The following TMA7B variants were observed in gnomAD, a reference collection of about 807,000 sequenced individuals.
TMA7B encodes translation machinery-associated protein 7B.
chr22:39,964,180 T>C, the TMA7B span: 1 of 529,352 alleles, frequency 1.9e-6, no homozygotes, highest in Non-Finnish European at 3.3e-6. Flanking sequence ...CAAAAGAGAA[T>C]GACTTGGCAA....
chr22:39,962,473 AAAC>A, the TMA7B span, among the ~76,000 whole-genome samples: 4 of 152,084 alleles, frequency 2.6e-5, no homozygotes, highest in Admixed American at 1.3e-4. Context: ...TTATTAGAAA[AAAC>A]AATTATACAT....
chr22:39,964,290 G>A, the TMA7B span: 2 of 656,908 alleles, frequency 3.0e-6, no homozygotes, highest in South Asian at 1.7e-5. Flanking sequence ...CCCATCACTT[G>A]TGAGTCCAGA....
At chr22:39,964,522 A>T in the TMA7B span, 1 of 919,600 alleles carries the variant, frequency 1.1e-6, no homozygotes, top group Non-Finnish European at 1.8e-6. Flanking sequence ...GGTCGTGGGG[A>T]AGGGGCCTCT....
At chr22:39,960,895 G>A in the TMA7B span, 1 of 151,436 alleles carries the variant, frequency 6.6e-6, no homozygotes, top group African/African-American at 2.4e-5. Flanking sequence ...GACAAAGGGG[G>A]TTTGATCTAA....
chr22:39,964,721 A>C, the TMA7B span: 3 of 489,896 alleles, frequency 6.1e-6, no homozygotes, highest in Non-Finnish European at 1.1e-5. Flanking sequence ...TTTGTAAAAA[A>C]AAAAAAAAAA....
the TMA7B span, chr22:39,964,130 G>T: frequency 4.8e-6 from 2 of 418,588 alleles, no homozygotes; most frequent in Non-Finnish European, 8.5e-6. Context: ...TTTATTTTTA[G>T]ATATAAATGT....
the TMA7B span, chr22:39,964,506 A>G: frequency 1.9e-6 from 2 of 1,026,452 alleles, no homozygotes; most frequent in African/African-American, 3.1e-5. Context: ...AGGTGCTAAA[A>G]GCGAAGGTCG....
the TMA7B span, among the ~76,000 whole-genome samples, chr22:39,962,823 T>C: frequency 1.3e-5 from 2 of 152,016 alleles, no homozygotes; most frequent in Admixed American, 1.3e-4. Flanking sequence ...CACGCCTGGC[T>C]AATTTGTGTG....
At chr22:39,964,122 T>G in the TMA7B span, 1 of 401,712 alleles carries the variant, frequency 2.5e-6, no homozygotes. Context: ...AGTGCCAGTT[T>G]ATTTTTAGAT....
At chr22:39,964,262 G>A in the TMA7B span, 1 of 619,414 alleles carries the variant, frequency 1.6e-6, no homozygotes, top group Non-Finnish European at 2.9e-6. Context: ...ATTTTCTCTA[G>A]CCCTGGTTCG....
chr22:39,962,678 G>C, the TMA7B span, among the ~76,000 whole-genome samples: 1 of 151,762 alleles, frequency 6.6e-6, no homozygotes, highest in Non-Finnish European at 1.5e-5. Flanking sequence ...GGTTTTTTGA[G>C]ACAGACTCTC....
chr22:39,961,065 C>G, the TMA7B span: 1 of 151,848 alleles, frequency 6.6e-6, no homozygotes, highest in Admixed American at 6.6e-5. Flanking sequence ...CCCACCTCAG[C>G]CTCTCAAGTA....
chr22:39,963,081 T>TG, the TMA7B span, among the ~76,000 whole-genome samples: 53 of 152,230 alleles, frequency 3.5e-4, no homozygotes, highest in African/African-American at 1.2e-3. Context: ...CTAGTTATGG[T>TG]GACAATTACC....
chr22:39,964,693 T>A, the TMA7B span: 9 of 479,140 alleles, frequency 1.9e-5, no homozygotes, highest in Non-Finnish European at 3.3e-5. Context: ...GGAGCTGTTG[T>A]ACATTTAAGA....
the TMA7B span, chr22:39,960,416 C>G: frequency 1.5e-5 from 7 of 464,112 alleles, no homozygotes; most frequent in East Asian, 2.0e-4. Context: ...GCCTCCCCTT[C>G]TAGCCCAGGT....
At chr22:39,964,483 C>T in the TMA7B span, 47 of 1,026,612 alleles carry the variant, frequency 4.6e-5, no homozygotes, top group East Asian at 1.1e-3. Flanking sequence ...AAAAGAGGAG[C>T]AGAAGAAACT....
At chr22:39,961,892 T>C in the TMA7B span, among the ~76,000 whole-genome samples, 9 of 152,336 alleles carry the variant, frequency 5.9e-5, no homozygotes, top group Non-Finnish European at 1.2e-4. Context: ...AATGGATATT[T>C]GAAAGGATAG....
the TMA7B span, among the ~76,000 whole-genome samples, chr22:39,962,099 A>C: frequency 6.6e-6 from 1 of 152,240 alleles, no homozygotes; most frequent in Non-Finnish European, 1.5e-5. Context: ...GTTAGGTCTT[A>C]ATTAATGAAA....
the TMA7B span, among the ~76,000 whole-genome samples, chr22:39,962,381 C>G: frequency 6.6e-6 from 1 of 152,064 alleles, no homozygotes; most frequent in Non-Finnish European, 1.5e-5. Context: ...AGATCGATCG[C>G]ACCACTGCAC....
Sources: allele counts gnomAD v4.1 joint callset (sites outside exome capture counted in the v4.1 genomes callset), GRCh38; gene constraint gnomAD v4.1.1; transcripts MANE v1.5; gene names NCBI Gene and HGNC (gene_info 2026-07-23, HGNC 2026-07-21).